HNMT: variants seen among roughly 807,000 people sequenced by gnomAD.
The protein encoded by HNMT is histamine N-methyltransferase.
A neutral mutation model predicts 32.1 loss-of-function variants in HNMT; 30 were observed. The ratio of observed to expected loss-of-function variants is 0.93; its 90% CI spans 0.70 to 1.27. The LOEUF is 1.27. Ranked by LOEUF, HNMT falls within the 50% of genes most tolerant of loss-of-function variation. HNMT has a pLI of 0.00. For missense variants in HNMT, 327 were observed against 346.0 expected (o/e 0.95, Z 0.43); for synonymous variants, 125 against 119.0 (o/e 1.05, Z -0.33).
At chr2:138,007,221 G>T (rs1681354437) in intron 5 of HNMT, among the ~76,000 whole-genome samples, 2 of 152,100 alleles carry the variant, frequency 1.3e-5, no homozygotes, top group South Asian at 2.1e-4. Context: ...GTAGAAGAAA[G>T]ATTTCGATAT....
rs1253558556 is a variant in HNMT at position 137,964,753 on chromosome 2, C to T, written c.137+125C>T. ...TAAGGGCGAATTACTGATAGCAGCTCCCCGTCGTCCCCTCCTCGCTGCCCT... is the reference window on the plus strand; with the variant it reads ...TAAGGGCGAATTACTGATAGCAGCTTCCCGTCGTCCCCTCCTCGCTGCCCT... On this transcript the variant is annotated intron_variant, in intron 1 of 5. Transcript: ENST00000280097. The T allele has an allele frequency of 1.5e-5, 13 of 866,006 alleles. No homozygotes were observed. The African/African-American group carries it at 2.0e-4, about 13-fold the overall frequency. 53.6% of individuals were successfully genotyped at this position (866,006 alleles called of 1,614,324 possible).
rs1303319482 is a variant in HNMT at position 137,992,480 on chromosome 2, ACC to A, written c.191-8436_191-8435del. Among the ~76,000 whole-genome samples the A allele has an allele frequency of 4.6e-5, 7 of 152,048 alleles. No individual in the cohort carries two copies. In the East Asian group the frequency reaches 1.4e-3, roughly 30 times the overall value. The stretch of plus-strand genomic sequence containing the variant: ...GAGTGCCTCTTCAGGCCTGACCCTG[ACC>A]CATCCTTCCTCATTGGGTGAGGCTT... On this transcript the variant is annotated intron_variant, in intron 2 of 5. Coordinates refer to ENST00000280097, the MANE Select transcript of HNMT (RefSeq NM_006895.3).
intron 2 of HNMT, among the ~76,000 whole-genome samples, chr2:137,982,002 C>G (rs112061644): frequency 8.7e-4 from 132 of 152,228 alleles, no homozygotes; most frequent in African/African-American, 3.1e-3. Context: ...TACAGGCTCA[C>G]GCCACCACGC....
At position 137,970,221 on chromosome 2, in the gene HNMT, T is replaced by C; in HGVS notation, c.190+4T>C. On this transcript the variant is annotated splice_donor_region_variant and intron_variant, in intron 2 of 5. Transcript: ENST00000280097. ...CTAAGCATAGGCGGAGGTGCAGGTATGAGTAATATATTTTTAAAGTTCATA... is the reference window on the plus strand; with the variant it reads ...CTAAGCATAGGCGGAGGTGCAGGTACGAGTAATATATTTTTAAAGTTCATA... 2 of 1,504,134 alleles carry C rather than the reference T, an allele frequency of 1.3e-6. No individual in the cohort carries two copies. Among genetic ancestry groups the C allele is most frequent in the African/African-American group, 1.4e-5 (1 of 72,212 alleles). The allele number at this position is 1,504,134 out of a possible 1,614,324, so 93.2% of individuals were successfully genotyped here.
chr2:137,999,918 T>A (rs202231842), intron 2 of HNMT, among the ~76,000 whole-genome samples: 5 of 148,312 alleles, frequency 3.4e-5, no homozygotes, highest in Non-Finnish European at 3.0e-5. Context: ...ATTTTTCTAA[T>A]AAAAAAAAAA....
intron 5 of HNMT, among the ~76,000 whole-genome samples, chr2:138,008,674 G>GA (rs1681403769): frequency 6.6e-6 from 1 of 152,026 alleles, no homozygotes; most frequent in Non-Finnish European, 1.5e-5. Context: ...AAGCAATGGG[G>GA]AAAAGACTTC....
At position 137,964,486 on chromosome 2, in the gene HNMT, C is replaced by A; in HGVS notation, c.-6C>A. Reference sequence around the variant, plus strand: ...TTCCTGCTCTGTCTTTCTCAGAAAACCAAATATGGCATCTTCCATGAGGAG... The same window carrying A: ...TTCCTGCTCTGTCTTTCTCAGAAAAACAAATATGGCATCTTCCATGAGGAG... On this transcript the variant is annotated 5_prime_UTR_variant, in exon 1 of 6. Transcript: ENST00000280097. 6.2e-7 allele frequency: 1 copy of A among 1,609,564 alleles called. No individual in the cohort carries two copies. Among genetic ancestry groups the A allele is most frequent in the Non-Finnish European group, 8.5e-7 (1 of 1,177,846 alleles).
chr2:137,969,090 A>C (rs1680045849), intron 1 of HNMT, among the ~76,000 whole-genome samples: 1 of 152,166 alleles, frequency 6.6e-6, no homozygotes, highest in South Asian at 2.1e-4. Context: ...AATTCGATGG[A>C]GATTTTTCCT....
At chr2:137,990,281 C>A (rs1394603035) in intron 2 of HNMT, among the ~76,000 whole-genome samples, 1 of 152,118 alleles carries the variant, frequency 6.6e-6, no homozygotes, top group Non-Finnish European at 1.5e-5. Flanking sequence ...AGGTCCTTGT[C>A]TAGATTCATT....
chr2:137,973,734 G>C (rs1164842062), intron 2 of HNMT, among the ~76,000 whole-genome samples: 2 of 151,876 alleles, frequency 1.3e-5, no homozygotes, highest in Non-Finnish European at 2.9e-5. Context: ...AGCCTTCCTA[G>C]ATGAAACTGC....
chr2:137,969,910 A>C (rs1680071290), intron 1 of HNMT, among the ~76,000 whole-genome samples: 2 of 152,198 alleles, frequency 1.3e-5, no homozygotes, highest in South Asian at 4.1e-4. Context: ...TAACCAAACA[A>C]ATGGCATTTT....
At position 137,989,953 on chromosome 2, in the gene HNMT, G is replaced by A. The variant is rs12104679; in HGVS notation, c.191-10965G>A. Among the ~76,000 whole-genome samples the A allele has an allele frequency of 2.3e-3, 347 of 152,192 alleles. 2 individuals carry two copies. Among genetic ancestry groups the A allele is most frequent in the African/African-American group, 7.9e-3 (329 of 41,532 alleles). On this transcript the variant is annotated intron_variant, in intron 2 of 5. Coordinates refer to ENST00000280097, the MANE Select transcript of HNMT (RefSeq NM_006895.3). Reference sequence around the variant, plus strand: ...TAATTGGGCTGGTTGTTTTCTTATCGTTGAGCTTTAAGAGTTCTTTGTATA... The same window carrying A: ...TAATTGGGCTGGTTGTTTTCTTATCATTGAGCTTTAAGAGTTCTTTGTATA...
intron 2 of HNMT, among the ~76,000 whole-genome samples, chr2:137,986,666 A>G (rs963609736): frequency 1.3e-5 from 2 of 152,210 alleles, no homozygotes; most frequent in African/African-American, 4.8e-5. Flanking sequence ...CCATCACAGA[A>G]AGGTTTTCTA....
chr2:137,986,156 C>T lies in HNMT; in HGVS notation c.191-14762C>T, dbSNP rs545367695. On this transcript the variant is annotated intron_variant, in intron 2 of 5. Transcript: ENST00000280097. Reference sequence around the variant, plus strand: ...ATGTTGATAAATGCCTTGGAATAGTCACTTGCATACAAAATAATAAAAGAA... The same window carrying T: ...ATGTTGATAAATGCCTTGGAATAGTTACTTGCATACAAAATAATAAAAGAA... Among the ~76,000 whole-genome samples, 23 of 151,212 alleles carry T rather than the reference C, an allele frequency of 1.5e-4. No individual in the cohort carries two copies. In the South Asian group the frequency reaches 2.5e-3, roughly 16 times the overall value.
chr2:138,015,959 C>A lies in HNMT; in HGVS notation c.*1829C>A, dbSNP rs1254878646. 2.6e-5 allele frequency: 4 copies of A among 152,028 alleles called. No homozygotes were observed. Among genetic ancestry groups the A allele is most frequent in the Non-Finnish European group, 4.4e-5 (3 of 67,992 alleles). The allele number at this position is 152,028 out of a possible 1,614,324, so 9.4% of individuals were successfully genotyped here. A position where few individuals can be genotyped will look rare whatever the true frequency, so the allele number is the denominator to read the frequency against. ...AATTCTCACCTGCTTAATTTTAGTG[C>A]AATTGAAACACATAAGCCTTTTTAA... On this transcript the variant is annotated 3_prime_UTR_variant, in exon 6 of 6. Coordinates refer to ENST00000280097, the MANE Select transcript of HNMT (RefSeq NM_006895.3).
chr2:137,969,691 C>T (rs1038520898), intron 1 of HNMT, among the ~76,000 whole-genome samples: 1 of 152,004 alleles, frequency 6.6e-6, no homozygotes, highest in Admixed American at 6.6e-5. Flanking sequence ...AAAGTGATAT[C>T]TGTTTTTTTA....
chr2:137,983,916 C>G (rs1042438469), intron 2 of HNMT, among the ~76,000 whole-genome samples: 4 of 152,144 alleles, frequency 2.6e-5, no homozygotes, highest in Non-Finnish European at 5.9e-5. Flanking sequence ...TTGCCTTTAG[C>G]TCAAAAACAA....
intron 2 of HNMT, among the ~76,000 whole-genome samples, chr2:137,972,043 A>G (rs956600407): frequency 1.3e-5 from 2 of 152,146 alleles, no homozygotes; most frequent in Non-Finnish European, 2.9e-5. Flanking sequence ...ACTGTGGCTC[A>G]TATTAACACA....
At chr2:137,998,551 AATTT>A (rs763476141) in intron 2 of HNMT, among the ~76,000 whole-genome samples, 48 of 152,108 alleles carry the variant, frequency 3.2e-4, no homozygotes, top group Non-Finnish European at 5.6e-4. Context: ...TCTTAAACTT[AATTT>A]ATTTTTGTCA....
Sources: gnomAD v4.1 joint callset for allele counts (sites outside exome capture counted in the v4.1 genomes callset) on GRCh38, gnomAD v4.1.1 for gene constraint, MANE v1.5 for transcripts, NCBI Gene and HGNC (gene_info 2026-07-23, HGNC 2026-07-21) for gene names.